Variants in KAZN observed in about 807,000 individuals in gnomAD.
The protein encoded by KAZN is kazrin, periplakin interacting protein.
A neutral mutation model predicts 87.4 loss-of-function variants in KAZN; 40 were observed. That is an observed-to-expected ratio of 0.46 (90% CI 0.36 to 0.60). KAZN has a LOEUF of 0.60. KAZN is among the 20% of genes least tolerant of loss of function. The pLI, the probability that KAZN is intolerant of heterozygous loss-of-function variation, is 0.00. For synonymous variants in KAZN, 466 were observed against 458.3 expected, an observed-to-expected ratio of 1.02 and a Z score of -0.22; for missense variants, 898 against 1,073.9, an observed-to-expected ratio of 0.84 and a Z score of 2.29.
At chr1:15,031,453 G>A (rs564694945) in intron 2 of KAZN, among the ~76,000 whole-genome samples, 1 of 152,378 alleles carries the variant, frequency 6.6e-6, no homozygotes, top group African/African-American at 2.4e-5. Flanking sequence ...TGCAGTCAGA[G>A]GCTGCCCTGA....
chr1:15,086,658 C>T lies in KAZN; in HGVS notation c.1223-7522C>T, dbSNP rs147518271. On this transcript the variant is annotated intron_variant, in intron 8 of 14. Transcript: ENST00000376030. ...AACGTTATCAGTATAAAATAATCATCGTGACAATGTCTAAATTATGGGGTT... is the reference window on the plus strand; with the variant it reads ...AACGTTATCAGTATAAAATAATCATTGTGACAATGTCTAAATTATGGGGTT... Among the ~76,000 whole-genome samples, 498 of 152,252 alleles carry T rather than the reference C, an allele frequency of 3.3e-3. 5 individuals are homozygous for T. The highest frequency in any genetic ancestry group is 0.012 in the African/African-American group (479 of 41,540).
At chr1:15,032,302 C>G (rs1278510467) in intron 2 of KAZN, among the ~76,000 whole-genome samples, 2 of 150,668 alleles carry the variant, frequency 1.3e-5, no homozygotes, top group East Asian at 4.0e-4. Context: ...ACGCCATTCT[C>G]CTGCCTCAGC....
intron 1 of KAZN, among the ~76,000 whole-genome samples, chr1:14,119,710 C>A (rs1047912826): frequency 1.3e-5 from 2 of 152,150 alleles, no homozygotes; most frequent in African/African-American, 2.4e-5. Flanking sequence ...GTCTCAATAG[C>A]TGACACTCAA....
In KAZN at chr1:15,034,825, A is replaced by C. The variant is rs779019094; in HGVS notation, c.495A>C (p.Thr165=). ...GCCAGATGCAGCAGCTGTATGCCAC[A>C]CTGGAGAGCCGCGAGGAGCAGCTCC... The part of the protein sequence containing the change: ...LVSQMQQLYA[T]LESREEQLRD... The change falls in exon 3 of 15, where the codon ACA becomes ACC. Residue 165 remains threonine, a synonymous_variant. Transcript: ENST00000376030. 6.8e-6 allele frequency: 11 copies of C among 1,614,026 alleles called. No homozygotes were observed. The highest frequency in any genetic ancestry group is 9.3e-6 in the Non-Finnish European group (11 of 1,179,974).
rs1318951829 is a variant in KAZN at position 14,598,793 on chromosome 1, C to A, written c.-205C>A. 4.9e-5 allele frequency: 66 copies of A among 1,348,652 alleles called. No homozygotes were observed. The highest frequency in any genetic ancestry group is 5.8e-5 in the Non-Finnish European group (61 of 1,054,320). 83.5% of individuals were successfully genotyped at this position (1,348,652 alleles called of 1,614,324 possible). A position where few individuals can be genotyped will look rare whatever the true frequency, so the allele number is the denominator to read the frequency against. ...CCTCCGCCTCCTCCCCCCGCCGCCT[C>A]GCCACCGCCGCGGCTAGGGCTGGAG... On this transcript the variant is annotated 5_prime_UTR_variant, in exon 1 of 15. Transcript: ENST00000376030. The surrounding 1 kb of genome is among the most constrained non-coding windows in gnomAD (Gnocchi z 4.2).
intron 1 of KAZN, among the ~76,000 whole-genome samples, chr1:14,823,700 A>G (rs1456667421): frequency 2.6e-5 from 4 of 152,180 alleles, no homozygotes; most frequent in African/African-American, 9.7e-5. Flanking sequence ...GACAGATCGT[A>G]TAGTGTGTGG....
chr1:13,931,447 G>GTTGT (rs139587494), intron 1 of KAZN, among the ~76,000 whole-genome samples: 5 of 149,738 alleles, frequency 3.3e-5, no homozygotes, highest in Non-Finnish European at 7.4e-5. Flanking sequence ...CAGCCAGAGG[G>GTTGT]GTGTGTGTGT....
At chr1:14,258,815 T>G (rs950048204) in intron 2 of KAZN, among the ~76,000 whole-genome samples, 1 of 152,150 alleles carries the variant, frequency 6.6e-6, no homozygotes, top group Non-Finnish European at 1.5e-5. Context: ...GACTACAACC[T>G]CGCAGGAATA....
chr1:15,060,252 A>G lies in KAZN; in HGVS notation c.997A>G (p.Thr333Ala). Residue 333 changes from threonine to alanine, a missense_variant, in exon 6 of 15, where the codon ACA becomes GCA. Transcript: ENST00000376030. ...TGCCGCCGAAGGCGACCGGTCGTCC[A>G]CACCGAGCGACATCAACTCCCCTCG... ...ASAAEGDRSS[T>A]PSDINSPRHR... is the part of the protein sequence containing the mutation. 6.2e-7 allele frequency: 1 copy of G among 1,614,214 alleles called. No homozygotes were observed. Among genetic ancestry groups the G allele is most frequent in the South Asian group, 1.1e-5 (1 of 91,086 alleles).
intron 1 of KAZN, among the ~76,000 whole-genome samples, chr1:14,784,530 G>A (rs901503110): frequency 2.6e-5 from 4 of 152,106 alleles, no homozygotes; most frequent in South Asian, 2.1e-4. Flanking sequence ...AGGCTGAGGC[G>A]GGCAGATCAC....
intron 2 of KAZN, among the ~76,000 whole-genome samples, chr1:14,300,913 T>C (rs1186115827): frequency 6.6e-6 from 1 of 152,140 alleles, no homozygotes; most frequent in African/African-American, 2.4e-5. Context: ...ATTGTGGAAC[T>C]TGGGTGTGGA....
intron 1 of KAZN, among the ~76,000 whole-genome samples, chr1:14,147,923 C>T (rs1645388602): frequency 1.3e-5 from 2 of 151,894 alleles, no homozygotes; most frequent in Non-Finnish European, 1.5e-5. Context: ...TTGTAATAGT[C>T]CCTTTAAACG....
At chr1:14,159,127 C>T (rs886328317) in intron 1 of KAZN, among the ~76,000 whole-genome samples, 1 of 152,152 alleles carries the variant, frequency 6.6e-6, no homozygotes, top group African/African-American at 2.4e-5. Context: ...TATGTTTGCT[C>T]AAGGCCCTGG....
chr1:14,422,726 C>T (rs1034289708), intron 2 of KAZN, among the ~76,000 whole-genome samples: 1 of 152,222 alleles, frequency 6.6e-6, no homozygotes, highest in African/African-American at 2.4e-5. Flanking sequence ...GTAAACTTCT[C>T]TTTTGTGGTC....
intron 1 of KAZN, among the ~76,000 whole-genome samples, chr1:14,120,312 G>T (rs1458097648): frequency 6.6e-6 from 1 of 152,020 alleles, no homozygotes; most frequent in South Asian, 2.1e-4. Flanking sequence ...TAAACAACCA[G>T]GTCTCGTGAG....
chr1:13,935,252 G>GTAGTAGTAGTAATAATAATAA (rs1553175647), intron 1 of KAZN, among the ~76,000 whole-genome samples: 2 of 147,072 alleles, frequency 1.4e-5, no homozygotes, highest in Admixed American at 1.4e-4. Context: ...AGTAGTAGTA[G>GTAGTAGTAGTAATAATAATAA]TAATAATAAT....
chr1:14,786,145 T>TC (rs1645502380), intron 1 of KAZN, among the ~76,000 whole-genome samples: 1 of 152,250 alleles, frequency 6.6e-6, no homozygotes, highest in Admixed American at 6.5e-5. Flanking sequence ...AGCACTTATT[T>TC]AGTCAGATAA....
At chr1:14,917,517 C>T (rs35882556) in intron 1 of KAZN, among the ~76,000 whole-genome samples, 10 of 152,192 alleles carry the variant, frequency 6.6e-5, no homozygotes, top group South Asian at 2.1e-4. Flanking sequence ...TTCACTAGCC[C>T]AGTTTTTGAG....
chr1:14,095,369 G>A (rs930325066), intron 1 of KAZN, among the ~76,000 whole-genome samples: 2 of 152,028 alleles, frequency 1.3e-5, no homozygotes, highest in Non-Finnish European at 2.9e-5. Context: ...ATTCACATAC[G>A]TTGCATAAGC....
Sources: allele counts gnomAD v4.1 joint callset (sites outside exome capture counted in the v4.1 genomes callset), GRCh38; gene constraint gnomAD v4.1.1; non-coding constraint Gnocchi (gnomAD v3.1); transcripts MANE v1.5; gene names NCBI Gene and HGNC (gene_info 2026-07-23, HGNC 2026-07-21).